The following MLST8 variants were observed in gnomAD, a reference collection of about 807,000 sequenced individuals.
The protein encoded by MLST8 is target of rapamycin complex subunit LST8.
A neutral mutation model predicts 41.3 loss-of-function variants in MLST8; 20 were observed. The ratio of observed to expected loss-of-function variants is 0.48; its 90% CI spans 0.34 to 0.70. MLST8 has a LOEUF of 0.70. Ranked by LOEUF, MLST8 falls within the 30% of genes least tolerant of loss-of-function variation. The pLI, the probability that MLST8 is intolerant of heterozygous loss-of-function variation, is 0.01. For synonymous variants in MLST8, 243 were observed against 183.0 expected (o/e 1.33, Z -2.65); for missense variants, 422 against 454.3 (o/e 0.93, Z 0.65).
intron 4 of MLST8, 27 bp from the exon 5 acceptor site, chr16:2,207,008 C>G: frequency 6.2e-7 from 1 of 1,611,314 alleles, no homozygotes; most frequent in Non-Finnish European, 8.5e-7. Flanking sequence ...CCCAGATGGA[C>G]AGCATGTGCC....
chr16:2,206,910 TC>T, intron 4 of MLST8, 124 bp from the exon 5 acceptor site: 1 of 1,300,880 alleles, frequency 7.7e-7, no homozygotes. Flanking sequence ...GGGCCCTGCG[TC>T]CCAAGTATTT....
chr16:2,207,313 G>A lies in MLST8; in HGVS notation c.541G>A (p.Asp181Asn), dbSNP rs775472115. 6 of 1,614,142 alleles carry A rather than the reference G, an allele frequency of 3.7e-6. No homozygotes were observed. Among genetic ancestry groups the A allele is most frequent in the Admixed American group, 1.7e-5 (1 of 60,020 alleles). Residue 181 changes from aspartate to asparagine, a missense_variant, in exon 6 of 9, where the codon GAC (aspartate) becomes AAC (asparagine). Asp to Asn is a conservative substitution (Grantham distance 23). Coordinates refer to ENST00000569417, the MANE Select transcript of MLST8 (RefSeq NM_022372.6). ...VSITSAHIDP[D>N]ASYMAAVNST... ...CATCACGTCCGCCCACATCGATCCC[G>A]ACGCCAGCTACATGGCAGCTGTCAA...
chr16:2,207,257 A>T lies in MLST8; in HGVS notation c.485A>T (p.Asn162Ile). 1 of 1,614,114 alleles carries T rather than the reference A, an allele frequency of 6.2e-7. No individual in the cohort carries two copies. Among genetic ancestry groups the T allele is most frequent in the Non-Finnish European group, 8.5e-7 (1 of 1,180,018 alleles). ...IHIWDLKTDH[N>I]EQLIPEPEVS... The stretch of plus-strand genomic sequence containing the variant: ...ATCTGGGACTTGAAAACAGACCACA[A>T]CGAGCAGCTGATCCCTGAGCCCGAG... Residue 162 changes from asparagine (N) to isoleucine (I), a missense_variant, in exon 6 of 9, where the codon AAC becomes ATC. Physicochemically the swap from Asn to Ile is moderately radical, Grantham distance 149. Transcript: ENST00000569417.
At chr16:2,208,360 G>T in intron 7 of MLST8, 26 bp downstream of exon 7, 1 of 1,605,104 alleles carries the variant, frequency 6.2e-7, no homozygotes, top group Non-Finnish European at 8.5e-7. Flanking sequence ...GCTGGCCCGG[G>T]AGGGGACCTG....
chr16:2,208,100 C>T (rs1265887354), intron 6 of MLST8, 110 bp from the exon 7 acceptor site: 2 of 1,348,028 alleles, frequency 1.5e-6, no homozygotes, highest in East Asian at 2.5e-5. Flanking sequence ...CTGCCCCTCA[C>T]CCGGGGTCCC....
chr16:2,208,370 G>C (rs773572139), intron 7 of MLST8, 36 bp downstream of exon 7: 1 of 1,605,896 alleles, frequency 6.2e-7, no homozygotes, highest in Non-Finnish European at 8.5e-7. Flanking sequence ...GAGGGGACCT[G>C]CCTGGGCTGG....
intron 1 of MLST8, 197 bp downstream of exon 1, chr16:2,205,709 C>T (rs990253786): frequency 1.0e-5 from 10 of 998,862 alleles, no homozygotes; most frequent in Non-Finnish European, 1.2e-5. Flanking sequence ...CAGCGCTCGG[C>T]TTTCCCCGGC....
intron 4 of MLST8, 53 bp downstream of exon 4, chr16:2,206,712 G>A (rs1398540275): frequency 1.3e-6 from 2 of 1,590,934 alleles, no homozygotes; most frequent in South Asian, 2.2e-5. Flanking sequence ...TGCTCTGGGA[G>A]ACCGTTTTAG....
Position 2,208,255 on chromosome 16 carries a change from G to C in MLST8, c.619G>C (p.Val207Leu). The C allele has an allele frequency of 6.2e-7, 1 of 1,613,564 alleles. No individual in the cohort carries two copies. The highest frequency in any genetic ancestry group is 8.5e-7 in the Non-Finnish European group (1 of 1,179,738). Residue 207 changes from valine to leucine, a missense_variant, in exon 7 of 9, where the codon GTG (valine) becomes CTG (leucine). By Grantham distance (32) the Val-to-Leu change is conservative. Transcript: ENST00000569417. The part of the protein sequence containing the change: ...WNLTGGIGDE[V>L]TQLIPKTKIP... ...TCTGACGGGGGGCATTGGTGACGAG[G>C]TGACCCAGCTCATCCCCAAGACTAA...
rs964191975 is a variant in MLST8 at position 2,205,703 on chromosome 16, G to A, written c.-56+191G>A. ...CCTGCTACGCATGCGCAGCCGCAGC[G>A]CTCGGCTTTCCCCGGCCCATCCGCC... is the stretch of plus-strand genomic sequence containing the variant. On this transcript the variant is annotated intron_variant, in intron 1 of 8. Coordinates refer to ENST00000569417, the MANE Select transcript of MLST8 (RefSeq NM_022372.6). The A allele has an allele frequency of 8.0e-6, 8 of 995,894 alleles. No individual in the cohort carries two copies. The African/African-American group carries it at 1.2e-4, about 15-fold the overall frequency. The allele number at this position is 995,894 out of a possible 1,614,324, so 61.7% of individuals were successfully genotyped here.
intron 1 of MLST8, 67 bp from the exon 2 acceptor site, chr16:2,205,964 C>T: frequency 2.7e-6 from 4 of 1,469,294 alleles, no homozygotes; most frequent in Non-Finnish European, 2.7e-6. Flanking sequence ...TTCGGCAGCG[C>T]CTTGTGGGTC....
chr16:2,207,438 C>A, intron 6 of MLST8, 93 bp downstream of exon 6: 1 of 1,474,062 alleles, frequency 6.8e-7, no homozygotes. Flanking sequence ...CCCTTAGCGG[C>A]CCCCTCCTGC....
chr16:2,208,266 C>T lies in MLST8; in HGVS notation c.630C>T (p.Leu210=), dbSNP rs928776263. The change falls in exon 7 of 9, where the codon CTC becomes CTT. Residue 210 remains leucine, a synonymous_variant. Coordinates refer to ENST00000569417, the MANE Select transcript of MLST8 (RefSeq NM_022372.6). ...TGGIGDEVTQ[L]IPKTKIPAHT... ...GCATTGGTGACGAGGTGACCCAGCT[C>T]ATCCCCAAGACTAAGATCCCTGCCC... 6.2e-6 allele frequency: 10 copies of T among 1,613,506 alleles called. No homozygotes were observed. The African/African-American group carries it at 8.0e-5, about 13-fold the overall frequency.
Position 2,206,482 on chromosome 16 carries a change from A to C in MLST8, c.182-15A>C. 1 of 1,611,564 alleles carries C rather than the reference A, an allele frequency of 6.2e-7. No individual in the cohort carries two copies. The highest frequency in any genetic ancestry group is 2.2e-5 in the East Asian group (1 of 44,762). On this transcript the variant is annotated splice_polypyrimidine_tract_variant and intron_variant, in intron 3 of 8. Coordinates refer to ENST00000569417, the MANE Select transcript of MLST8 (RefSeq NM_022372.6). ...CCTCAGCACAGCCAAGCTTCAGTTC[A>C]GCCTGTGTCCCTAGGTTACCAGCAC...
At chr16:2,206,940 C>G in intron 4 of MLST8, 95 bp from the exon 5 acceptor site, 1 of 1,479,918 alleles carries the variant, frequency 6.8e-7, no homozygotes, top group Non-Finnish European at 9.4e-7. Flanking sequence ...GCAGGTCCTT[C>G]AGCAGAGGGA....
In MLST8 at chr16:2,208,624, C is replaced by A. The variant is rs759348365; in HGVS notation, c.862+11C>A. On this transcript the variant is annotated intron_variant, in intron 8 of 8. Coordinates refer to ENST00000569417, the MANE Select transcript of MLST8 (RefSeq NM_022372.6). ...AGTACATCGTCACTGGTGAGCCCCG[C>A]CCTGGCCTCCCCCATCCCTGGCCCC... The A allele has an allele frequency of 2.6e-5, 42 of 1,611,806 alleles. No individual in the cohort carries two copies. Among genetic ancestry groups the A allele is most frequent in the Admixed American group, 2.2e-4 (13 of 59,950 alleles).
chr16:2,208,235 C>A lies in MLST8; in HGVS notation c.599C>A (p.Thr200Lys). Reference protein sequence around the residue: ...STGNCYVWNLTGGIGDEVTQL... With the variant: ...STGNCYVWNLKGGIGDEVTQL... The stretch of plus-strand genomic sequence containing the variant: ...GGAAACTGCTATGTCTGGAATCTGA[C>A]GGGGGGCATTGGTGACGAGGTGACC... Residue 200 changes from threonine (T) to lysine (K), a missense_variant, in exon 7 of 9, where the codon ACG becomes AAG. Thr to Lys is a moderately conservative substitution (Grantham distance 78). Transcript: ENST00000569417. 2 of 1,613,094 alleles carry A rather than the reference C, an allele frequency of 1.2e-6. No homozygotes were observed. Among genetic ancestry groups the A allele is most frequent in the Non-Finnish European group, 1.7e-6 (2 of 1,179,450 alleles).
Position 2,207,321 on chromosome 16 carries a change from C to T in MLST8, c.549C>T (p.Ser183=). Residue 183 remains serine (S), a synonymous_variant, in exon 6 of 9, where the codon AGC becomes AGT. Coordinates refer to ENST00000569417, the MANE Select transcript of MLST8 (RefSeq NM_022372.6). The stretch of plus-strand genomic sequence containing the variant: ...CCGCCCACATCGATCCCGACGCCAG[C>T]TACATGGCAGCTGTCAATAGCACCG... ...ITSAHIDPDA[S]YMAAVNSTGN... 6.2e-7 allele frequency: 1 copy of T among 1,614,154 alleles called. No individual in the cohort carries two copies. The highest frequency in any genetic ancestry group is 8.5e-7 in the Non-Finnish European group (1 of 1,179,992).
intron 4 of MLST8, 35 bp downstream of exon 4, chr16:2,206,694 G>C: frequency 6.2e-7 from 1 of 1,604,350 alleles, no homozygotes; most frequent in Non-Finnish European, 8.5e-7. Flanking sequence ...CCCGGGGCTG[G>C]GGTGGGCTGC....
Sources: allele counts gnomAD v4.1 joint callset, GRCh38; gene constraint gnomAD v4.1.1; transcripts MANE v1.5; gene names NCBI Gene and HGNC (gene_info 2026-07-23, HGNC 2026-07-21).